The following CFAP20 variants were observed in gnomAD, a reference collection of about 807,000 sequenced individuals.
CFAP20 encodes the protein cilia and flagella associated protein 20, also known as cilia- and flagella-associated protein 20.
A neutral mutation model predicts 25.5 loss-of-function variants in CFAP20; 14 were observed. The ratio of observed to expected loss-of-function variants is 0.55; its 90% CI spans 0.36 to 0.86. The LOEUF is 0.86. CFAP20 is among the 40% of genes least tolerant of loss of function. CFAP20 has a pLI of 0.01. For synonymous variants in CFAP20, 75 were observed against 91.1 expected, an observed-to-expected ratio of 0.82 and a Z score of 1.01; for missense variants, 181 against 248.0, an observed-to-expected ratio of 0.73 and a Z score of 1.81.
At chr16:58,128,911 A>C (rs1423905623) in intron 1 of CFAP20, 121 bp downstream of exon 1, 5 of 929,088 alleles carry the variant, frequency 5.4e-6, no homozygotes, top group Non-Finnish European at 7.3e-6. Flanking sequence ...GACAAGGCAC[A>C]GCAGCGTCCT....
Position 58,115,071 on chromosome 16 carries a change from T to A in CFAP20, c.466-151A>T. On this transcript the variant is annotated intron_variant, in intron 4 of 5. Transcript: ENST00000262498. ...GGGATGGATTCTGGCAAGAGGGAGGTCTTACTTGCTGTATTCACCTCTATA... is the reference window on the plus strand; with the variant it reads ...GGGATGGATTCTGGCAAGAGGGAGGACTTACTTGCTGTATTCACCTCTATA... 4 of 966,000 alleles carry A rather than the reference T, an allele frequency of 4.1e-6. No homozygotes were observed. In the South Asian group the frequency reaches 6.1e-5, roughly 15 times the overall value. 59.8% of individuals were successfully genotyped at this position (966,000 alleles called of 1,614,324 possible).
chr16:58,118,980 G>A (rs960231980), intron 1 of CFAP20, among the ~76,000 whole-genome samples: 1 of 152,194 alleles, frequency 6.6e-6, no homozygotes, highest in Admixed American at 6.5e-5. Flanking sequence ...CATAATCAAT[G>A]ACTCAATCAC....
At chr16:58,124,861 T>C (rs1036261525) in intron 1 of CFAP20, among the ~76,000 whole-genome samples, 3 of 151,970 alleles carry the variant, frequency 2.0e-5, no homozygotes, top group Admixed American at 2.0e-4. Context: ...CACTGTGCTT[T>C]AGTTATTTAG....
chr16:58,118,340 C>T (rs922035120), intron 1 of CFAP20, among the ~76,000 whole-genome samples: 5 of 151,544 alleles, frequency 3.3e-5, no homozygotes, highest in Non-Finnish European at 2.9e-5. Flanking sequence ...GGTGTGGTGG[C>T]GTGCACCTGT....
chr16:58,114,058 T>G (rs1960421750), intron 5 of CFAP20, 28 bp from the exon 6 acceptor site: 1 of 1,612,516 alleles, frequency 6.2e-7, no homozygotes, highest in Middle Eastern at 1.6e-4. Context: ...AGAAGTGGCA[T>G]CAGTTTAAGT....
At position 58,116,855 on chromosome 16, in the gene CFAP20, C is replaced by T. The variant is rs370808916; in HGVS notation, c.164+17G>A. 1.9e-6 allele frequency: 3 copies of T among 1,608,338 alleles called. No individual in the cohort carries two copies. The highest frequency in any genetic ancestry group is 2.6e-6 in the Non-Finnish European group (3 of 1,174,824). The stretch of plus-strand genomic sequence containing the variant: ...CTAGTATATGATGTCTCTGGGAGAA[C>T]AGAGGTGGCAACCTACCTTACATTT... On this transcript the variant is annotated intron_variant, in intron 2 of 5. Transcript: ENST00000262498.
intron 3 of CFAP20, 127 bp downstream of exon 3, chr16:58,115,914 T>A: frequency 1.6e-6 from 1 of 639,320 alleles, no homozygotes; most frequent in East Asian, 2.8e-5. Context: ...ACTGGGCTTA[T>A]ACTAGAAGCA....
rs149604077 is a variant in CFAP20, at chr16:58,124,112, G to A, written c.84+4920C>T. Reference sequence around the variant, plus strand: ...GAGGCTACTACTAAGAGGGGGAACCGGGTGAAGTGAGTCCCGCCTGGAGAA... The same window carrying A: ...GAGGCTACTACTAAGAGGGGGAACCAGGTGAAGTGAGTCCCGCCTGGAGAA... On this transcript the variant is annotated intron_variant, in intron 1 of 5. Coordinates refer to ENST00000262498, the MANE Select transcript of CFAP20 (RefSeq NM_013242.3). 4.8e-3 allele frequency among the ~76,000 whole-genome samples: 737 copies of A among 152,294 alleles called. 7 individuals are homozygous for A. The highest frequency in any genetic ancestry group is 0.017 in the African/African-American group (686 of 41,558).
At chr16:58,125,138 C>G (rs1960595316) in intron 1 of CFAP20, among the ~76,000 whole-genome samples, 1 of 152,112 alleles carries the variant, frequency 6.6e-6, no homozygotes, top group Non-Finnish European at 1.5e-5. Flanking sequence ...ACTTTTTAAA[C>G]TTTTTTGTTA....
chr16:58,117,919 C>T (rs1424300243), intron 1 of CFAP20, among the ~76,000 whole-genome samples: 3 of 152,192 alleles, frequency 2.0e-5, no homozygotes, highest in African/African-American at 7.2e-5. Flanking sequence ...CACACAGATG[C>T]CTTCTTTAGC....
In CFAP20 at chr16:58,113,953, C is replaced by T. The variant is rs372763790; in HGVS notation, c.*72G>A. 650 of 1,509,220 alleles carry T rather than the reference C, an allele frequency of 4.3e-4. 3 individuals are homozygous for T. The highest frequency in any genetic ancestry group is 3.6e-3 in the South Asian group (323 of 88,760). The allele number at this position is 1,509,220 out of a possible 1,614,324, so 93.5% of individuals were successfully genotyped here. On this transcript the variant is annotated 3_prime_UTR_variant, in exon 6 of 6. Coordinates refer to ENST00000262498, the MANE Select transcript of CFAP20 (RefSeq NM_013242.3). ...AACTAAGATAAATATGTTTTTGCAT[C>T]GTCCTCCACATAGTTTCCTTTTAAA... is the stretch of plus-strand genomic sequence containing the variant.
intron 2 of CFAP20, 99 bp downstream of exon 2, chr16:58,116,773 C>T (rs1004983605): frequency 7.3e-6 from 8 of 1,089,872 alleles, no homozygotes; most frequent in South Asian, 2.9e-5. Flanking sequence ...GATAGACTCA[C>T]ATCCGGCACT....
rs78640973 is a variant in CFAP20, at chr16:58,126,394, G to C, written c.84+2638C>G. On this transcript the variant is annotated intron_variant, in intron 1 of 5. Transcript: ENST00000262498. Reference sequence around the variant, plus strand: ...AACGAACAAGCCATCTTCACAAAAGGGAAGCTTGCAAATTCACTGGTACTG... The same window carrying C: ...AACGAACAAGCCATCTTCACAAAAGCGAAGCTTGCAAATTCACTGGTACTG... Among the ~76,000 whole-genome samples, 666 of 152,252 alleles carry C rather than the reference G, an allele frequency of 4.4e-3. 3 individuals carry two copies. The highest frequency in any genetic ancestry group is 0.015 in the African/African-American group (631 of 41,538).
At position 58,113,930 on chromosome 16, in the gene CFAP20, C is replaced by T; in HGVS notation, c.*95G>A. ...AATAACAGAACTACAGCAGAGCAAACTAAGATAAATATGTTTTTGCATCGT... is the reference window on the plus strand; with the variant it reads ...AATAACAGAACTACAGCAGAGCAAATTAAGATAAATATGTTTTTGCATCGT... On this transcript the variant is annotated 3_prime_UTR_variant, in exon 6 of 6. Transcript: ENST00000262498. The T allele has an allele frequency of 7.1e-7, 1 of 1,409,076 alleles. No individual in the cohort carries two copies. The highest frequency in any genetic ancestry group is 1.7e-5 in the Admixed American group (1 of 59,200). 87.3% of individuals were successfully genotyped at this position (1,409,076 alleles called of 1,614,324 possible).
Position 58,129,181 on chromosome 16 carries a change from C to G in CFAP20, c.-66G>C. The G allele has an allele frequency of 6.4e-7, 1 of 1,560,452 alleles. No homozygotes were observed. The highest frequency in any genetic ancestry group is 8.8e-7 in the Non-Finnish European group (1 of 1,142,532). On this transcript the variant is annotated 5_prime_UTR_variant, in exon 1 of 6. Coordinates refer to ENST00000262498, the MANE Select transcript of CFAP20 (RefSeq NM_013242.3). ...CTAGGCCCCGGAGTAGATACAGGCA[C>G]CGAGCGTCGAGGGCACAGCAGCAGG...
intron 1 of CFAP20, among the ~76,000 whole-genome samples, chr16:58,122,144 G>C (rs1202624029): frequency 6.6e-6 from 1 of 152,200 alleles, no homozygotes; most frequent in Non-Finnish European, 1.5e-5. Flanking sequence ...CAGGCTCCAA[G>C]GGTCAAAGGC....
chr16:58,121,065 T>A (rs929691873), intron 1 of CFAP20, among the ~76,000 whole-genome samples: 31 of 152,172 alleles, frequency 2.0e-4, no homozygotes, highest in Non-Finnish European at 3.8e-4. Context: ...CAATCAGATA[T>A]GTGCATTAGA....
chr16:58,129,116 C>G lies in CFAP20; in HGVS notation c.-1G>C. 2 of 1,613,756 alleles carry G rather than the reference C, an allele frequency of 1.2e-6. No individual in the cohort carries two copies. The highest frequency in any genetic ancestry group is 2.2e-5 in the East Asian group (1 of 44,858). On this transcript the variant is annotated 5_prime_UTR_variant, in exon 1 of 6. Coordinates refer to ENST00000262498, the MANE Select transcript of CFAP20 (RefSeq NM_013242.3). ...CGCTCTGGAACGTGTTTTTGAACAT[C>G]TCGCCGGCGGCCTTCTCCTAAGCCG...
intron 1 of CFAP20, among the ~76,000 whole-genome samples, chr16:58,122,177 AC>A (rs1960542501): frequency 6.6e-6 from 1 of 152,244 alleles, no homozygotes; most frequent in Non-Finnish European, 1.5e-5. Flanking sequence ...GCTGTACTTG[AC>A]AGGGGCTATC....
Sources: gnomAD v4.1 joint callset for allele counts (sites outside exome capture counted in the v4.1 genomes callset) on GRCh38, gnomAD v4.1.1 for gene constraint, MANE v1.5 for transcripts, NCBI Gene and HGNC (gene_info 2026-07-23, HGNC 2026-07-21) for gene names.